The following ZC3H12B variants were observed in gnomAD, a reference collection of about 807,000 sequenced individuals.
ZC3H12B encodes zinc finger CCCH-type containing 12B, also known as probable ribonuclease ZC3H12B.
In ZC3H12B, 7 loss-of-function variants were observed where a neutral mutation model predicts 43.9. The ratio of observed to expected loss-of-function variants is 0.16; its 90% CI spans 0.09 to 0.30. ZC3H12B has a LOEUF of 0.30. Ranked by LOEUF, ZC3H12B falls within the 10% of genes least tolerant of loss-of-function variation. ZC3H12B has a pLI of 1.00. For synonymous variants in ZC3H12B, 222 were observed against 241.7 expected, an observed-to-expected ratio of 0.92 and a Z score of 0.76; for missense variants, 475 against 670.2, an observed-to-expected ratio of 0.71 and a Z score of 3.22.
At chrX:65,453,314 C>G (rs1299198326) in intron 3 of ZC3H12B, among the ~76,000 whole-genome samples, 4 of 91,385 alleles carry the variant, frequency 4.4e-5, no homozygotes, top group Non-Finnish European at 4.3e-5. Flanking sequence ...TATAGGCGCA[C>G]AATTCTCAAT....
At chrX:65,414,709 A>G (rs960941879) in intron 3 of ZC3H12B, among the ~76,000 whole-genome samples, 1 of 111,410 alleles carries the variant, frequency 9.0e-6, no homozygotes, top group Admixed American at 9.6e-5. Flanking sequence ...ATGTATCCAG[A>G]TTCTCTACCT....
At chrX:65,167,895 G>C in the ZC3H12B span, among the ~76,000 whole-genome samples, 1 of 112,133 alleles carries the variant, frequency 8.9e-6, no homozygotes, top group African/African-American at 3.2e-5. Flanking sequence ...TGTATCCTGA[G>C]ACTTTCCTGA....
chrX:65,314,126 C>T, the ZC3H12B span, among the ~76,000 whole-genome samples: 1 of 109,538 alleles, frequency 9.1e-6, no homozygotes, highest in African/African-American at 3.3e-5. Context: ...TTCAGAAGAA[C>T]ACAGAGAAAA....
the ZC3H12B span, among the ~76,000 whole-genome samples, chrX:65,163,552 G>A: frequency 1.2e-4 from 13 of 111,599 alleles, no homozygotes; most frequent in South Asian, 3.7e-4. Flanking sequence ...GTGAGACTCC[G>A]TGGGCGTAGG....
intron 3 of ZC3H12B, among the ~76,000 whole-genome samples, chrX:65,456,091 A>G (rs1186381789): frequency 1.8e-5 from 2 of 111,730 alleles, no homozygotes; most frequent in Non-Finnish European, 3.8e-5. Context: ...ATAACCAGCT[A>G]GCATCATAAG....
chrX:65,110,439 G>C, the ZC3H12B span, among the ~76,000 whole-genome samples: 1 of 106,843 alleles, frequency 9.4e-6, no homozygotes, highest in African/African-American at 3.4e-5. Context: ...TTACATTTAA[G>C]TCTCTGATCC....
At chrX:65,168,714 C>G in the ZC3H12B span, among the ~76,000 whole-genome samples, 3 of 111,390 alleles carry the variant, frequency 2.7e-5, no homozygotes, top group African/African-American at 6.5e-5. Flanking sequence ...GCCTCAATTT[C>G]AGAGCCTGTT....
chrX:65,194,780 A>G, the ZC3H12B span, among the ~76,000 whole-genome samples: 4 of 112,124 alleles, frequency 3.6e-5, no homozygotes, highest in Non-Finnish European at 5.6e-5. Flanking sequence ...TGAAGTCTCC[A>G]GTTATTATTG....
rs1012444801 is a variant in ZC3H12B at position 65,447,572 on chromosome X, A to G, written n.408-41074A>G. ...AGACCCCAAAAGCAAATCCAACTAT[A>G]ACAAAAATGAATAAATGAAACCTAA... On this transcript the variant is annotated intron_variant and non_coding_transcript_variant, in intron 3 of 5. Transcript: ENST00000617377. 3.6e-5 allele frequency among the ~76,000 whole-genome samples: 4 copies of G among 112,097 alleles called. No individual in the cohort carries two copies. The South Asian group carries it at 1.1e-3, about 30-fold the overall frequency.
At chrX:65,244,877 A>G in the ZC3H12B span, among the ~76,000 whole-genome samples, 2 of 111,094 alleles carry the variant, frequency 1.8e-5, no homozygotes, top group Admixed American at 1.9e-4. Context: ...CAAAGTGCAA[A>G]CTTTTCAGTG....
chrX:65,113,330 G>A, the ZC3H12B span, among the ~76,000 whole-genome samples: 2 of 111,636 alleles, frequency 1.8e-5, no homozygotes, highest in Admixed American at 9.5e-5. Context: ...AGAATATTAT[G>A]TAAACCTAGT....
intron 3 of ZC3H12B, among the ~76,000 whole-genome samples, chrX:65,416,824 A>T (rs1395043051): frequency 9.1e-6 from 1 of 110,237 alleles, no homozygotes; most frequent in Admixed American, 9.7e-5. Context: ...GGCCCACTCC[A>T]GACTTACTGA....
chrX:65,289,838 A>C, the ZC3H12B span, among the ~76,000 whole-genome samples: 2 of 110,615 alleles, frequency 1.8e-5, no homozygotes, highest in African/African-American at 3.3e-5. Context: ...AATCAACCCA[A>C]AATGTTTAAG....
chrX:65,441,839 G>C (rs924490646), intron 3 of ZC3H12B, among the ~76,000 whole-genome samples: 2 of 110,783 alleles, frequency 1.8e-5, no homozygotes, highest in African/African-American at 3.3e-5. Context: ...CATTGTACAG[G>C]GGTGAGGGAA....
chrX:65,195,999 G>C, the ZC3H12B span, among the ~76,000 whole-genome samples: 2 of 111,846 alleles, frequency 1.8e-5, no homozygotes, highest in Non-Finnish European at 3.8e-5. Context: ...ACTGTTTACA[G>C]AACTCAGCTT....
the ZC3H12B span, among the ~76,000 whole-genome samples, chrX:65,179,777 G>C: frequency 9.0e-6 from 1 of 111,731 alleles, no homozygotes; most frequent in Non-Finnish European, 1.9e-5. Flanking sequence ...TAAATATCTG[G>C]ACATATACTC....
At chrX:65,082,983 T>G in the ZC3H12B span, among the ~76,000 whole-genome samples, 1 of 110,189 alleles carries the variant, frequency 9.1e-6, no homozygotes, top group Non-Finnish European at 1.9e-5. Context: ...GTACATCATA[T>G]CAACAGAATG....
At chrX:65,344,272 T>A in the ZC3H12B span, among the ~76,000 whole-genome samples, 1 of 111,847 alleles carries the variant, frequency 8.9e-6, no homozygotes, top group Non-Finnish European at 1.9e-5. Context: ...AATTTATAGA[T>A]CCAATGCTAT....
the ZC3H12B span, among the ~76,000 whole-genome samples, chrX:65,235,041 A>G: frequency 8.9e-6 from 1 of 111,809 alleles, no homozygotes; most frequent in Non-Finnish European, 1.9e-5. Flanking sequence ...CTTTTTGGCT[A>G]CATAGTATTT....
Sources: gnomAD v4.1 joint callset for allele counts (sites outside exome capture counted in the v4.1 genomes callset) on GRCh38, gnomAD v4.1.1 for gene constraint, MANE v1.5 for transcripts, NCBI Gene and HGNC (gene_info 2026-07-23, HGNC 2026-07-21) for gene names.